PRKG1: variants seen among roughly 807,000 people sequenced by gnomAD.
PRKG1 encodes the protein protein kinase cGMP-dependent 1.
Under a neutral mutation model 88.1 loss-of-function variants are expected in PRKG1, and 35 were observed. The observed-to-expected ratio is 0.40, with a 90% CI of 0.30 to 0.53. The LOEUF is 0.53. Among genes scored for constraint, PRKG1 ranks in the 20% least tolerant of loss-of-function variants. PRKG1 has a pLI of 0.59. For synonymous variants in PRKG1, 303 were observed against 292.5 expected (o/e 1.04, Z -0.37); for missense variants, 540 against 839.8 (o/e 0.64, Z 4.41).
At chr10:51,031,614 T>C (rs1843285103) in intron 1 of PRKG1, among the ~76,000 whole-genome samples, 1 of 152,184 alleles carries the variant, frequency 6.6e-6, no homozygotes, top group Admixed American at 6.5e-5. Flanking sequence ...ACATGCAGTA[T>C]CTTGTTTTTA....
intron 1 of PRKG1, among the ~76,000 whole-genome samples, chr10:51,102,929 A>T (rs1844721776): frequency 6.6e-6 from 1 of 152,162 alleles, no homozygotes; most frequent in Non-Finnish European, 1.5e-5. Context: ...CATCTACCAT[A>T]AATAACTTCA....
At chr10:51,501,930 G>T (rs1395569664) in intron 3 of PRKG1, among the ~76,000 whole-genome samples, 1 of 151,860 alleles carries the variant, frequency 6.6e-6, no homozygotes, top group Non-Finnish European at 1.5e-5. Flanking sequence ...CTGTGGGTAG[G>T]TTGTGTAGGT....
intron 1 of PRKG1, among the ~76,000 whole-genome samples, chr10:51,132,161 C>T (rs544928369): frequency 3.2e-4 from 48 of 152,098 alleles, no homozygotes; most frequent in African/African-American, 1.1e-3. Flanking sequence ...ATCAGAGGTA[C>T]GTCTTTCTAA....
chr10:52,247,786 A>T (rs1003780332), intron 9 of PRKG1, among the ~76,000 whole-genome samples: 7 of 152,148 alleles, frequency 4.6e-5, no homozygotes, highest in Non-Finnish European at 1.0e-4. Flanking sequence ...CTCTAAAAAT[A>T]ATCTGCCGAG....
At chr10:51,674,912 TGGA>T (rs1335720476) in intron 3 of PRKG1, among the ~76,000 whole-genome samples, 2 of 152,104 alleles carry the variant, frequency 1.3e-5, no homozygotes, top group Admixed American at 6.5e-5. Context: ...AAAGAGGATA[TGGA>T]GGAGGGAAGG....
chr10:51,102,045 C>T (rs190217259), intron 1 of PRKG1, among the ~76,000 whole-genome samples: 4 of 152,242 alleles, frequency 2.6e-5, no homozygotes, highest in Admixed American at 2.0e-4. Flanking sequence ...GGAGTAAATA[C>T]CACCATCATG....
chr10:51,283,600 G>A (rs1840357644), intron 2 of PRKG1, among the ~76,000 whole-genome samples: 1 of 152,140 alleles, frequency 6.6e-6, no homozygotes, highest in Non-Finnish European at 1.5e-5. Flanking sequence ...CCTTTAGGGT[G>A]GTGGGACAAG....
intron 3 of PRKG1, among the ~76,000 whole-genome samples, chr10:51,735,569 T>TC (rs1554836741): frequency 1.3e-5 from 2 of 151,662 alleles, no homozygotes; most frequent in Non-Finnish European, 2.9e-5. Flanking sequence ...TCAGTATTTG[T>TC]GGGGGGATTA....
At chr10:51,180,632 C>T (rs1391600573) in intron 2 of PRKG1, among the ~76,000 whole-genome samples, 1 of 152,186 alleles carries the variant, frequency 6.6e-6, no homozygotes, top group Non-Finnish European at 1.5e-5. Flanking sequence ...GAATTTCACC[C>T]TGCCTGCTTG....
chr10:51,476,858 T>C (rs1840209375), intron 3 of PRKG1, among the ~76,000 whole-genome samples: 1 of 151,978 alleles, frequency 6.6e-6, no homozygotes, highest in Admixed American at 6.6e-5. Flanking sequence ...AATCCAGGGT[T>C]ACTCTGAGTA....
chr10:52,119,055 T>A (rs1847755010), intron 7 of PRKG1, among the ~76,000 whole-genome samples: 1 of 152,138 alleles, frequency 6.6e-6, no homozygotes, highest in Non-Finnish European at 1.5e-5. Flanking sequence ...TATGTGAAAA[T>A]ACATTTTAAT....
chr10:51,778,666 G>C (rs1838504912), intron 3 of PRKG1, among the ~76,000 whole-genome samples: 1 of 152,102 alleles, frequency 6.6e-6, no homozygotes, highest in Non-Finnish European at 1.5e-5. Flanking sequence ...TCTGTGGCTG[G>C]AGACAGAAAC....
intron 2 of PRKG1, among the ~76,000 whole-genome samples, chr10:51,332,537 C>A (rs879610658): frequency 6.6e-6 from 1 of 152,086 alleles, no homozygotes; most frequent in Non-Finnish European, 1.5e-5. Flanking sequence ...ATTCAATGGG[C>A]AGTTGGGTTA....
intron 5 of PRKG1, among the ~76,000 whole-genome samples, chr10:51,956,747 A>G (rs1843312773): frequency 6.6e-6 from 1 of 151,008 alleles, no homozygotes; most frequent in African/African-American, 2.4e-5. Context: ...AATAAATTTT[A>G]AGTTTCCCCA....
chr10:52,060,991 T>C (rs1846222718), intron 6 of PRKG1, among the ~76,000 whole-genome samples: 1 of 152,030 alleles, frequency 6.6e-6, no homozygotes, highest in Admixed American at 6.5e-5. Flanking sequence ...AAATAAATTT[T>C]AGCTTTTATA....
intron 7 of PRKG1, chr10:52,062,970 A>G (rs2133270147): frequency 1.7e-6 from 1 of 584,792 alleles, no homozygotes; most frequent in South Asian, 2.2e-5. Context: ...TCATTAAGAT[A>G]GTTGGTTGAA....
intron 3 of PRKG1, among the ~76,000 whole-genome samples, chr10:51,768,245 T>C (rs1398492378): frequency 6.6e-6 from 1 of 152,096 alleles, no homozygotes; most frequent in Non-Finnish European, 1.5e-5. Context: ...AGGCAGAATT[T>C]TTTAGTTATT....
At chr10:51,509,105 C>G (rs1181605002) in intron 3 of PRKG1, among the ~76,000 whole-genome samples, 1 of 152,060 alleles carries the variant, frequency 6.6e-6, no homozygotes, top group African/African-American at 2.4e-5. Context: ...GCTGGTGACT[C>G]CTTAACAACA....
intron 1 of PRKG1, among the ~76,000 whole-genome samples, chr10:50,993,613 C>T (rs963576811): frequency 5.3e-5 from 8 of 152,334 alleles, no homozygotes; most frequent in African/African-American, 1.9e-4. Flanking sequence ...CCAGGGCTGC[C>T]GGGCTAGGGC....
Sources: allele counts gnomAD v4.1 joint callset (sites outside exome capture counted in the v4.1 genomes callset), GRCh38; gene constraint gnomAD v4.1.1; transcripts MANE v1.5; gene names NCBI Gene and HGNC (gene_info 2026-07-23, HGNC 2026-07-21).